RAB2A: variants seen among roughly 807,000 people sequenced by gnomAD.
The protein encoded by RAB2A is ras-related protein Rab-2A.
RAB2A carries 7 observed loss-of-function variants against 32.5 expected under a neutral mutation model. That is an observed-to-expected ratio of 0.22 (90% CI 0.12 to 0.40). The LOEUF (loss-of-function observed/expected upper bound fraction) is 0.40. RAB2A is among the 10% of genes least tolerant of loss of function. RAB2A has a pLI of 1.00. For synonymous variants in RAB2A, 79 were observed against 85.2 expected (o/e 0.93, Z 0.40); for missense variants, 108 against 260.7 (o/e 0.41, Z 4.03).
At chr8:60,552,983 TA>T (rs995790667) in intron 1 of RAB2A, 5 of 152,188 alleles carry the variant, frequency 3.3e-5, no homozygotes, top group African/African-American at 1.2e-4. Context: ...ATACAATTAA[TA>T]AAAATAATAG....
chr8:60,517,831 A>G (rs1419824739), intron 1 of RAB2A, among the ~76,000 whole-genome samples: 4 of 152,060 alleles, frequency 2.6e-5, no homozygotes, highest in African/African-American at 9.7e-5. Context: ...TGCTTTTTTA[A>G]CACCTTCAAC....
intron 6 of RAB2A, among the ~76,000 whole-genome samples, chr8:60,605,606 C>A (rs1804215313): frequency 6.6e-6 from 1 of 152,116 alleles, no homozygotes; most frequent in Non-Finnish European, 1.5e-5. Flanking sequence ...CCCATCACAC[C>A]CCTGTGCCCT....
intron 1 of RAB2A, among the ~76,000 whole-genome samples, chr8:60,526,040 TATATATATATATA>T (rs1807380178): frequency 8.0e-6 from 1 of 124,834 alleles, no homozygotes; most frequent in African/African-American, 3.0e-5. Context: ...TATATATATA[TATATATATATATA>T]TATAAGTTTT....
At chr8:60,517,525 CA>C (rs1243544725) in intron 1 of RAB2A, among the ~76,000 whole-genome samples, 1 of 152,138 alleles carries the variant, frequency 6.6e-6, no homozygotes, top group Non-Finnish European at 1.5e-5. Flanking sequence ...AAGTGTGTGA[CA>C]GGAGGGGAGG....
chr8:60,621,322 A>C lies in RAB2A; in HGVS notation c.*553A>C, dbSNP rs2150440904. On this transcript the variant is annotated 3_prime_UTR_variant, in exon 8 of 8. Coordinates refer to ENST00000262646, the MANE Select transcript of RAB2A (RefSeq NM_002865.3). ...TAAATTCTATACTGTTTAGAGCTTA[A>C]AGCTACAGAAGCATTGTTAGGAATT... The C allele has an allele frequency of 6.6e-6, 1 of 152,366 alleles. No individual in the cohort carries two copies. Among genetic ancestry groups the C allele is most frequent in the South Asian group, 2.1e-4 (1 of 4,832 alleles). 9.4% of individuals were successfully genotyped at this position (152,366 alleles called of 1,614,324 possible). A position where few individuals can be genotyped will look rare whatever the true frequency, so the allele number is the denominator to read the frequency against.
chr8:60,586,296 C>CA (rs10591904), intron 5 of RAB2A, among the ~76,000 whole-genome samples: 3,133 of 145,868 alleles, frequency 0.021, 45 homozygotes, highest in Non-Finnish European at 0.033. Flanking sequence ...GACCTTGTCT[C>CA]AAAAAAAAAA....
At chr8:60,572,393 A>G (rs1808209726) in intron 3 of RAB2A, among the ~76,000 whole-genome samples, 1 of 152,196 alleles carries the variant, frequency 6.6e-6, no homozygotes, top group Admixed American at 6.5e-5. Context: ...TTTAAGAAAA[A>G]CAATCAGCAT....
At chr8:60,544,950 G>C (rs1173739256) in intron 1 of RAB2A, among the ~76,000 whole-genome samples, 7 of 152,016 alleles carry the variant, frequency 4.6e-5, no homozygotes, top group Non-Finnish European at 7.4e-5. Flanking sequence ...TCACCATATT[G>C]CCCAGGCTGG....
intron 1 of RAB2A, 66 bp downstream of exon 1, chr8:60,517,319 G>A (rs538293459): frequency 4.4e-6 from 6 of 1,367,518 alleles, no homozygotes; most frequent in Non-Finnish European, 5.8e-6. Context: ...GGGGCAAACG[G>A]CGTCTGGCGG....
intron 6 of RAB2A, among the ~76,000 whole-genome samples, chr8:60,598,954 A>G (rs1804080847): frequency 1.3e-5 from 2 of 148,796 alleles, no homozygotes; most frequent in Non-Finnish European, 3.0e-5. Context: ...AAAAAAAAAA[A>G]AAAAAAAAAA....
intron 3 of RAB2A, among the ~76,000 whole-genome samples, chr8:60,577,903 A>C (rs1009108525): frequency 1.3e-5 from 2 of 148,906 alleles, no homozygotes; most frequent in African/African-American, 5.0e-5. Flanking sequence ...CAGCTTCCCA[A>C]AGTGCTGGGA....
At chr8:60,572,441 A>G (rs1473795612) in intron 3 of RAB2A, among the ~76,000 whole-genome samples, 2 of 152,216 alleles carry the variant, frequency 1.3e-5, no homozygotes, top group African/African-American at 2.4e-5. Context: ...AAGAATATCA[A>G]TATTATACAA....
intron 6 of RAB2A, among the ~76,000 whole-genome samples, chr8:60,592,664 G>A (rs1803961929): frequency 6.6e-6 from 1 of 151,892 alleles, no homozygotes; most frequent in Admixed American, 6.6e-5. Flanking sequence ...TATTTCCATT[G>A]ATGAACCTGA....
intron 1 of RAB2A, among the ~76,000 whole-genome samples, chr8:60,551,070 A>G (rs1408773332): frequency 1.3e-5 from 2 of 152,090 alleles, no homozygotes; most frequent in South Asian, 2.1e-4. Context: ...CACCTTCTCC[A>G]TGAGGGACTA....
At chr8:60,579,711 T>C (rs1425187923) in intron 3 of RAB2A, among the ~76,000 whole-genome samples, 1 of 151,926 alleles carries the variant, frequency 6.6e-6, no homozygotes, top group East Asian at 1.9e-4. Flanking sequence ...CACTGCAAGC[T>C]CCTCCTCCCA....
At chr8:60,615,097 A>ACTGCTTGTCCT (rs2150438555) in intron 6 of RAB2A, among the ~76,000 whole-genome samples, 1 of 152,312 alleles carries the variant, frequency 6.6e-6, no homozygotes, top group African/African-American at 2.4e-5. Context: ...TCTAAAACCT[A>ACTGCTTGTCCT]TTAGTTTTGC....
At chr8:60,591,728 A>C (rs746090088) in intron 5 of RAB2A, 130 bp from the exon 6 acceptor site, 1 of 594,958 alleles carries the variant, frequency 1.7e-6, no homozygotes, top group Non-Finnish European at 3.1e-6. Flanking sequence ...CCTGAATAAT[A>C]CAGTTAGTAT....
At chr8:60,564,745 A>T (rs1172577551) in intron 2 of RAB2A, among the ~76,000 whole-genome samples, 3 of 152,202 alleles carry the variant, frequency 2.0e-5, no homozygotes, top group Admixed American at 2.0e-4. Flanking sequence ...AACATTTTAA[A>T]CAAGTAAATA....
At chr8:60,600,767 A>C (rs1804121430) in intron 6 of RAB2A, among the ~76,000 whole-genome samples, 1 of 152,236 alleles carries the variant, frequency 6.6e-6, no homozygotes, top group South Asian at 2.1e-4. Context: ...ACTATACAGC[A>C]ATCTGGATAA....
Sources: allele counts gnomAD v4.1 joint callset (sites outside exome capture counted in the v4.1 genomes callset), GRCh38; gene constraint gnomAD v4.1.1; transcripts MANE v1.5; gene names NCBI Gene and HGNC (gene_info 2026-07-23, HGNC 2026-07-21).